TBL1XR1: variants seen among roughly 807,000 people sequenced by gnomAD.
TBL1XR1 encodes F-box-like/WD repeat-containing protein TBL1XR1.
A neutral mutation model predicts 66.9 loss-of-function variants in TBL1XR1; 5 were observed. The ratio of observed to expected loss-of-function variants is 0.07; its 90% confidence interval spans 0.04 to 0.16. The LOEUF (loss-of-function observed/expected upper bound fraction) is 0.16, where lower values mean the gene tolerates loss of function less well. TBL1XR1 is among the 10% of genes least tolerant of loss of function. TBL1XR1 has a pLI of 1.00. For synonymous variants in TBL1XR1, 210 were observed against 206.0 expected, an observed-to-expected ratio of 1.02 and a Z score of -0.17; for missense variants, 238 against 623.2, an observed-to-expected ratio of 0.38 and a Z score of 6.58.
At chr3:177,163,821 A>G (rs1732503306) in intron 1 of TBL1XR1, among the ~76,000 whole-genome samples, 1 of 152,238 alleles carries the variant, frequency 6.6e-6, no homozygotes, top group Admixed American at 6.5e-5. Flanking sequence ...CTGAAGCAGT[A>G]ATCAGCTTCA....
At chr3:177,187,972 T>TG (rs1735654099) in intron 1 of TBL1XR1, among the ~76,000 whole-genome samples, 1 of 132,972 alleles carries the variant, frequency 7.5e-6, no homozygotes. Flanking sequence ...TTTTTTGAGA[T>TG]GGAGTCTCGC....
chr3:177,144,622 C>T (rs1445295669), intron 1 of TBL1XR1, among the ~76,000 whole-genome samples: 2 of 151,792 alleles, frequency 1.3e-5, no homozygotes, highest in East Asian at 2.0e-4. Context: ...GGTGTGGTAG[C>T]GGGTGCCTGT....
chr3:177,051,008 T>C (rs1044003233), intron 5 of TBL1XR1, among the ~76,000 whole-genome samples: 1 of 152,182 alleles, frequency 6.6e-6, no homozygotes, highest in East Asian at 1.9e-4. Flanking sequence ...CAGAGCTCTA[T>C]GGTTATTTGT....
chr3:177,119,900 AT>A (rs1192017961), intron 1 of TBL1XR1, among the ~76,000 whole-genome samples: 1 of 152,162 alleles, frequency 6.6e-6, no homozygotes, highest in Admixed American at 6.5e-5. Context: ...GTTACTTCAA[AT>A]TTCAGGGAGA....
At chr3:177,082,980 G>T (rs149278043) in intron 2 of TBL1XR1, among the ~76,000 whole-genome samples, 9 of 151,010 alleles carry the variant, frequency 6.0e-5, no homozygotes, top group Admixed American at 2.6e-4. Context: ...GGATGGTCTC[G>T]ATCTCCTGAC....
chr3:177,033,266 C>T lies in TBL1XR1; in HGVS notation c.1251-130G>A, dbSNP rs1290044486. 7 of 580,694 alleles carry T rather than the reference C, an allele frequency of 1.2e-5. No individual in the cohort carries two copies. The East Asian group carries it at 2.1e-4, about 18-fold the overall frequency. 36.0% of individuals were successfully genotyped at this position (580,694 alleles called of 1,614,324 possible). ...CTTTATGAGAAGCAGACCGACTGGA[C>T]TGTTAGGAAGAATATTCTGTGATCT... On this transcript the variant is annotated intron_variant, in intron 13 of 15. Transcript: ENST00000457928.
At chr3:177,137,212 G>C (rs1729101197) in intron 1 of TBL1XR1, among the ~76,000 whole-genome samples, 1 of 152,248 alleles carries the variant, frequency 6.6e-6, no homozygotes, top group Non-Finnish European at 1.5e-5. Flanking sequence ...ACATGGCCCG[G>C]CATGGCATGG....
chr3:177,128,375 T>C (rs1473518966), intron 1 of TBL1XR1, among the ~76,000 whole-genome samples: 2 of 152,148 alleles, frequency 1.3e-5, no homozygotes, highest in African/African-American at 2.4e-5. Flanking sequence ...AGAGCAAGCA[T>C]CTTTTCTGCT....
intron 3 of TBL1XR1, among the ~76,000 whole-genome samples, chr3:177,061,644 T>C (rs1233968428): frequency 6.6e-6 from 1 of 152,218 alleles, no homozygotes; most frequent in African/African-American, 2.4e-5. Flanking sequence ...AATTCAGTGC[T>C]CTATTGCAGG....
rs368816470 is a variant in TBL1XR1, at chr3:177,135,528, C to T, written c.-121-36987G>A. On this transcript the variant is annotated intron_variant, in intron 1 of 15. Coordinates refer to ENST00000457928, the MANE Select transcript of TBL1XR1 (RefSeq NM_024665.7). ...CCTCCCGAGTAGCTGGGACTACAGGCGCCCGCCACCACGCCTGGCTAATTT... is the reference window on the plus strand; with the variant it reads ...CCTCCCGAGTAGCTGGGACTACAGGTGCCCGCCACCACGCCTGGCTAATTT... Among the ~76,000 whole-genome samples, 43 of 150,522 alleles carry T rather than the reference C, an allele frequency of 2.9e-4. No homozygotes were observed. In the South Asian group the frequency reaches 3.4e-3, roughly 12 times the overall value.
chr3:177,130,017 C>T (rs1265606800), intron 1 of TBL1XR1, among the ~76,000 whole-genome samples: 6 of 151,786 alleles, frequency 4.0e-5, no homozygotes, highest in African/African-American at 1.5e-4. Flanking sequence ...TAGTGGCGTG[C>T]GCCTGTAGTC....
At chr3:177,035,118 CTATG>C (rs757609268) in intron 12 of TBL1XR1, among the ~76,000 whole-genome samples, 1 of 152,084 alleles carries the variant, frequency 6.6e-6, no homozygotes, top group East Asian at 1.9e-4. Context: ...TTTTGGTGCC[CTATG>C]TATTTACAAC....
chr3:177,123,243 ATTTACC>A (rs1465590603), intron 1 of TBL1XR1, among the ~76,000 whole-genome samples: 1 of 152,146 alleles, frequency 6.6e-6, no homozygotes, highest in East Asian at 1.9e-4. Context: ...TAAAAACAGT[ATTTACC>A]TTCCTAATCA....
intron 1 of TBL1XR1, among the ~76,000 whole-genome samples, chr3:177,101,040 G>A (rs1724142094): frequency 1.3e-5 from 2 of 152,022 alleles, no homozygotes; most frequent in Non-Finnish European, 2.9e-5. Flanking sequence ...TTTTTTAGTA[G>A]AGACGGGGGT....
At chr3:177,179,640 A>G (rs187685890) in intron 1 of TBL1XR1, among the ~76,000 whole-genome samples, 23 of 152,316 alleles carry the variant, frequency 1.5e-4, no homozygotes, top group Admixed American at 1.1e-3. Flanking sequence ...TACTCTTGGG[A>G]GGGCTTCAAA....
intron 1 of TBL1XR1, among the ~76,000 whole-genome samples, chr3:177,182,400 C>T (rs1347360063): frequency 6.6e-6 from 1 of 152,104 alleles, no homozygotes; most frequent in Non-Finnish European, 1.5e-5. Context: ...AAGAAGAAAA[C>T]TCTGACAGCA....
At chr3:177,052,109 T>C (rs985193180) in intron 4 of TBL1XR1, among the ~76,000 whole-genome samples, 4 of 152,230 alleles carry the variant, frequency 2.6e-5, no homozygotes, top group African/African-American at 9.6e-5. Flanking sequence ...TGGTGCCCCA[T>C]TATAGTAAAT....
chr3:177,079,262 T>G (rs1182845258), intron 2 of TBL1XR1, among the ~76,000 whole-genome samples: 2 of 150,820 alleles, frequency 1.3e-5, no homozygotes, highest in Non-Finnish European at 3.0e-5. Flanking sequence ...AAACCCCGTC[T>G]CCACTAAAAA....
chr3:177,116,025 G>A (rs557683758), intron 1 of TBL1XR1, among the ~76,000 whole-genome samples: 1 of 152,074 alleles, frequency 6.6e-6, no homozygotes, highest in African/African-American at 2.4e-5. Flanking sequence ...ACTTCTTCCT[G>A]CTTAAATATG....
Sources: allele counts gnomAD v4.1 joint callset (sites outside exome capture counted in the v4.1 genomes callset), GRCh38; gene constraint gnomAD v4.1.1; transcripts MANE v1.5; gene names NCBI Gene and HGNC (gene_info 2026-07-23, HGNC 2026-07-21).